LTAP1: variants seen among roughly 807,000 people sequenced by gnomAD.
LTAP1 encodes the protein HCV NS5A-transactivated protein 4.
the LTAP1 span, chr1:154,207,777 A>G: frequency 2.6e-6 from 2 of 778,868 alleles, no homozygotes; most frequent in Non-Finnish European, 4.0e-6. Flanking sequence ...TATTTTGTAA[A>G]CTAGTTACTA....
the LTAP1 span, among the ~76,000 whole-genome samples, chr1:154,216,280 C>G: frequency 6.6e-6 from 1 of 151,926 alleles, no homozygotes; most frequent in African/African-American, 2.4e-5. Context: ...GCCTGGTTTT[C>G]AACTTGATAC....
At chr1:154,213,885 GC>G in the LTAP1 span, 1 of 1,611,426 alleles carries the variant, frequency 6.2e-7, no homozygotes, top group Admixed American at 1.7e-5. Flanking sequence ...CTGTCAGGTA[GC>G]CCTTACCAGA....
the LTAP1 span, among the ~76,000 whole-genome samples, chr1:154,214,823 A>G: frequency 6.6e-6 from 1 of 151,592 alleles, no homozygotes; most frequent in African/African-American, 2.4e-5. Context: ...TTCAAGCTAT[A>G]CAGCACCAAC....
the LTAP1 span, among the ~76,000 whole-genome samples, chr1:154,211,276 T>C: frequency 2.0e-5 from 3 of 151,302 alleles, no homozygotes; most frequent in South Asian, 6.2e-4. Context: ...GTGCTGGGAT[T>C]ATAGGCGTGA....
chr1:154,218,976 T>C, the LTAP1 span, among the ~76,000 whole-genome samples: 29 of 152,318 alleles, frequency 1.9e-4, no homozygotes, highest in African/African-American at 6.3e-4. Context: ...AGCTAGCCAA[T>C]TGAAGACCAT....
chr1:154,219,369 C>T, the LTAP1 span, among the ~76,000 whole-genome samples: 6 of 152,190 alleles, frequency 3.9e-5, no homozygotes, highest in Non-Finnish European at 5.9e-5. Flanking sequence ...TCCTATACGT[C>T]TTCTGGTAAA....
At chr1:154,217,371 T>C in the LTAP1 span, among the ~76,000 whole-genome samples, 4 of 152,174 alleles carry the variant, frequency 2.6e-5, no homozygotes, top group African/African-American at 9.7e-5. Flanking sequence ...TCAATCAAAG[T>C]AAAGAATATT....
At chr1:154,220,122 G>T in the LTAP1 span, 145 of 712,862 alleles carry the variant, frequency 2.0e-4, no homozygotes, top group African/African-American at 2.3e-3. Flanking sequence ...GCAGGGAGGC[G>T]TGGGGTCTGT....
the LTAP1 span, among the ~76,000 whole-genome samples, chr1:154,211,169 T>TGG: frequency 7.4e-6 from 1 of 134,574 alleles, no homozygotes; most frequent in African/African-American, 4.0e-5. Flanking sequence ...CATGCCCAGC[T>TGG]AATTTTTGTA....
chr1:154,211,015 AT>A, the LTAP1 span, among the ~76,000 whole-genome samples: 7 of 148,854 alleles, frequency 4.7e-5, no homozygotes, highest in Admixed American at 6.7e-5. Context: ...TTTAATTTTT[AT>A]TTTTTTTTTG....
chr1:154,215,666 G>C, the LTAP1 span, among the ~76,000 whole-genome samples: 7 of 151,912 alleles, frequency 4.6e-5, no homozygotes, highest in East Asian at 1.4e-3. Flanking sequence ...AGGGTTACCA[G>C]AGCCCCAGGA....
the LTAP1 span, chr1:154,212,507 AGTGCTTTGC>A: frequency 6.2e-7 from 1 of 1,614,174 alleles, no homozygotes; most frequent in Non-Finnish European, 8.5e-7. Flanking sequence ...GGTATCAATG[AGTGCTTTGC>A]GTACACCCTT....
At chr1:154,212,536 A>T in the LTAP1 span, 2 of 1,614,200 alleles carry the variant, frequency 1.2e-6, no homozygotes, top group East Asian at 4.5e-5. Flanking sequence ...TGAAAGGCGT[A>T]CTAGTGTTTC....
At chr1:154,214,995 C>T in the LTAP1 span, among the ~76,000 whole-genome samples, 2 of 151,976 alleles carry the variant, frequency 1.3e-5, no homozygotes, top group Non-Finnish European at 2.9e-5. Context: ...TAGGCGCGTA[C>T]GACCATGTCT....
At chr1:154,208,819 T>C in the LTAP1 span, among the ~76,000 whole-genome samples, 1 of 152,214 alleles carries the variant, frequency 6.6e-6, no homozygotes, top group Non-Finnish European at 1.5e-5. Flanking sequence ...GGCACAATCT[T>C]GGCTCACTGC....
the LTAP1 span, chr1:154,207,219 A>C: frequency 1.8e-5 from 7 of 394,882 alleles, no homozygotes; most frequent in East Asian, 1.3e-4. Flanking sequence ...CAAATCCAGA[A>C]AAAAGCGCTA....
chr1:154,215,933 G>C, the LTAP1 span, among the ~76,000 whole-genome samples: 8 of 150,414 alleles, frequency 5.3e-5, no homozygotes, highest in African/African-American at 1.7e-4. Context: ...CGCCTCCCGG[G>C]TTCACGCCAT....
the LTAP1 span, among the ~76,000 whole-genome samples, chr1:154,217,430 C>A: frequency 6.6e-6 from 1 of 152,190 alleles, no homozygotes; most frequent in Non-Finnish European, 1.5e-5. Context: ...ACATGATGTA[C>A]TCTTTTACAG....
the LTAP1 span, chr1:154,219,937 C>T: frequency 6.3e-7 from 1 of 1,594,612 alleles, no homozygotes; most frequent in Admixed American, 1.9e-5. Context: ...AGTACAAACA[C>T]CTGTCCAAAA....
Sources: gnomAD v4.1 joint callset for allele counts (sites outside exome capture counted in the v4.1 genomes callset) on GRCh38, gnomAD v4.1.1 for gene constraint, MANE v1.5 for transcripts, NCBI Gene and HGNC (gene_info 2026-07-23, HGNC 2026-07-21) for gene names.